ADGRL2: variants seen among roughly 807,000 people sequenced by gnomAD.
ADGRL2 encodes calcium-independent alpha-latrotoxin receptor 2.
In ADGRL2, 44 loss-of-function variants were observed where a neutral mutation model predicts 157.4. The ratio of observed to expected loss-of-function variants is 0.28; its 90% CI spans 0.22 to 0.36. The LOEUF (loss-of-function observed/expected upper bound fraction) is 0.36, where lower values mean the gene tolerates loss of function less well. Among genes scored for constraint, ADGRL2 ranks in the 10% least tolerant of loss-of-function variants. ADGRL2 has a pLI of 1.00. For synonymous variants in ADGRL2, 585 were observed against 624.7 expected (o/e 0.94, Z 0.95); for missense variants, 1,510 against 1,768.9 (o/e 0.85, Z 2.63).
At chr1:81,722,937 A>G in intron 1 of ADGRL2, 1 of 753,882 alleles carries the variant, frequency 1.3e-6, no homozygotes, top group Non-Finnish European at 2.4e-6. Flanking sequence ...GTTCTTGCAG[A>G]CATGCAGGAT....
intron 1 of ADGRL2, among the ~76,000 whole-genome samples, chr1:81,406,544 G>T (rs1051220727): frequency 1.7e-4 from 26 of 152,186 alleles, no homozygotes; most frequent in African/African-American, 6.0e-4. Context: ...TAGGGTCAGA[G>T]AAACGCAGCC....
chr1:81,974,752 A>C (rs1227129030), intron 17 of ADGRL2, among the ~76,000 whole-genome samples: 1 of 151,658 alleles, frequency 6.6e-6, no homozygotes, highest in African/African-American at 2.4e-5. Context: ...CAAACTGTGC[A>C]CTCCTATAAT....
intron 2 of ADGRL2, among the ~76,000 whole-genome samples, chr1:81,516,341 G>A (rs532399015): frequency 3.9e-5 from 6 of 152,270 alleles, no homozygotes; most frequent in South Asian, 4.1e-4. Context: ...TGTAGAATAC[G>A]GTGGGTGGCC....
intron 2 of ADGRL2, among the ~76,000 whole-genome samples, chr1:81,893,133 A>AAG (rs1393542077): frequency 6.6e-6 from 1 of 152,116 alleles, no homozygotes; most frequent in East Asian, 1.9e-4. Flanking sequence ...GGAGATAGGC[A>AAG]CAGTGCATAC....
intron 3 of ADGRL2, among the ~76,000 whole-genome samples, chr1:81,920,059 G>A (rs1002703978): frequency 2.0e-5 from 3 of 152,112 alleles, no homozygotes; most frequent in Non-Finnish European, 4.4e-5. Flanking sequence ...TAACTGCATT[G>A]GGTATCATGA....
chr1:81,478,861 A>G (rs1353865546), intron 2 of ADGRL2, among the ~76,000 whole-genome samples: 3 of 151,896 alleles, frequency 2.0e-5, no homozygotes, highest in Non-Finnish European at 4.4e-5. Flanking sequence ...TCTTGTTTCA[A>G]TGGAACAAAA....
At chr1:81,775,146 T>A (rs1225325459) in intron 2 of ADGRL2, among the ~76,000 whole-genome samples, 2 of 152,166 alleles carry the variant, frequency 1.3e-5, no homozygotes, top group African/African-American at 4.8e-5. Context: ...ATGTCTGAAA[T>A]TTTATCTGGT....
chr1:81,335,972 A>C (rs1040779909), intron 1 of ADGRL2, among the ~76,000 whole-genome samples: 3 of 152,242 alleles, frequency 2.0e-5, no homozygotes, highest in Non-Finnish European at 4.4e-5. Flanking sequence ...CTAGATTCCA[A>C]AAATTTCCTA....
chr1:81,768,633 C>T (rs2086231363), intron 2 of ADGRL2, among the ~76,000 whole-genome samples: 2 of 151,934 alleles, frequency 1.3e-5, no homozygotes, highest in South Asian at 2.1e-4. Flanking sequence ...ACCACATGCC[C>T]AGCTAATTTT....
intron 3 of ADGRL2, among the ~76,000 whole-genome samples, chr1:81,618,354 A>C (rs779882640): frequency 3.3e-5 from 5 of 152,168 alleles, no homozygotes; most frequent in Admixed American, 2.6e-4. Context: ...TTCCCTATCC[A>C]CTCAGAGGCT....
intron 3 of ADGRL2, among the ~76,000 whole-genome samples, chr1:81,683,580 A>G (rs979298775): frequency 6.6e-6 from 1 of 152,188 alleles, no homozygotes. Flanking sequence ...CACTTAGGAT[A>G]ATAGTCTCCA....
intron 7 of ADGRL2, 24 bp downstream of exon 7, chr1:81,950,506 A>G (rs1361250871): frequency 6.3e-7 from 1 of 1,585,712 alleles, no homozygotes. Context: ...ACTACCATGC[A>G]TACATTTTTC....
chr1:81,831,118 G>A (rs1184136298), intron 1 of ADGRL2, among the ~76,000 whole-genome samples: 1 of 152,122 alleles, frequency 6.6e-6, no homozygotes, highest in Non-Finnish European at 1.5e-5. Context: ...CCATAATCTT[G>A]TAGATGTTAA....
intron 1 of ADGRL2, among the ~76,000 whole-genome samples, chr1:81,821,318 A>G (rs187372984): frequency 2.6e-4 from 39 of 152,280 alleles, no homozygotes; most frequent in Admixed American, 9.2e-4. Context: ...AATATTTTGT[A>G]TAAATTTTCA....
At chr1:81,963,064 T>C (rs1216976313) in intron 11 of ADGRL2, among the ~76,000 whole-genome samples, 1 of 152,076 alleles carries the variant, frequency 6.6e-6, no homozygotes, top group Non-Finnish European at 1.5e-5. Flanking sequence ...CATTATGTAA[T>C]TCTTCATTTT....
At chr1:81,735,739 G>A (rs1055238270) in intron 1 of ADGRL2, among the ~76,000 whole-genome samples, 3 of 151,592 alleles carry the variant, frequency 2.0e-5, no homozygotes, top group South Asian at 2.1e-4. Flanking sequence ...TCAATGAGCC[G>A]AGATCATGCC....
At chr1:81,769,175 C>A (rs2086256415) in intron 2 of ADGRL2, among the ~76,000 whole-genome samples, 1 of 152,094 alleles carries the variant, frequency 6.6e-6, no homozygotes, top group Non-Finnish European at 1.5e-5. Context: ...ATGTCTCTTT[C>A]TAATTTGTGC....
At position 81,970,347 on chromosome 1, in the gene ADGRL2, T is replaced by G. The variant is rs749032614; in HGVS notation, c.2767T>G (p.Phe923Val). ...ACPIFAGLLH[F>V]FFLAAFAWMC... ...CCCAATATTTGCAGGACTTCTACACTTTTTCTTTTTGGCAGCTTTTGCTTG... is the reference window on the plus strand; with the variant it reads ...CCCAATATTTGCAGGACTTCTACACGTTTTCTTTTTGGCAGCTTTTGCTTG... The change falls in exon 16 of 24, where the codon TTT (phenylalanine) becomes GTT (valine). Residue 923 changes from phenylalanine to valine, a missense_variant. Physicochemically the swap from Phe to Val is conservative, Grantham distance 50. Transcript: ENST00000686636. The G allele has an allele frequency of 6.2e-7, 1 of 1,600,872 alleles. No homozygotes were observed.
At chr1:81,381,433 C>T (rs1014473126) in intron 1 of ADGRL2, among the ~76,000 whole-genome samples, 1 of 152,048 alleles carries the variant, frequency 6.6e-6, no homozygotes, top group African/African-American at 2.4e-5. Context: ...TATAAATTAG[C>T]TAGGCATGGT....
Sources: gnomAD v4.1 joint callset for allele counts (sites outside exome capture counted in the v4.1 genomes callset) on GRCh38, gnomAD v4.1.1 for gene constraint, MANE v1.5 for transcripts, NCBI Gene and HGNC (gene_info 2026-07-23, HGNC 2026-07-21) for gene names.